The following WBP1L variants were observed in gnomAD, a reference collection of about 807,000 sequenced individuals.
WBP1L encodes WW domain binding protein 1-like.
In WBP1L, 17 loss-of-function variants were observed where a neutral mutation model predicts 33.7. The ratio of observed to expected loss-of-function variants is 0.50; its 90% CI spans 0.34 to 0.76. WBP1L has a LOEUF of 0.76. Ranked by LOEUF, WBP1L falls within the 30% of genes least tolerant of loss-of-function variation. The probability of loss-of-function intolerance (pLI) is 0.01; values close to 1 mark genes in which losing one functional copy is unlikely to be tolerated. For synonymous variants in WBP1L, 173 were observed against 190.8 expected, an observed-to-expected ratio of 0.91 and a Z score of 0.77; for missense variants, 389 against 469.4, an observed-to-expected ratio of 0.83 and a Z score of 1.58.
chr10:102,788,077 GA>G (rs1197997523), intron 1 of WBP1L, among the ~76,000 whole-genome samples: 5 of 136,830 alleles, frequency 3.7e-5, no homozygotes, highest in Admixed American at 7.4e-5. Context: ...CCTGCCTCAG[GA>G]AAAAAAAAAC....
At chr10:102,744,328 G>A in intron 1 of WBP1L, 185 bp downstream of exon 1, 1 of 968,196 alleles carries the variant, frequency 1.0e-6, no homozygotes, top group African/African-American at 1.8e-5. Flanking sequence ...CAGTTTTGGT[G>A]TCAAGGAGGT....
chr10:102,763,207 C>CAAAAAAAAAA (rs36003893), intron 1 of WBP1L, among the ~76,000 whole-genome samples: 1 of 94,040 alleles, frequency 1.1e-5, no homozygotes, highest in Non-Finnish European at 2.0e-5. Flanking sequence ...ACTTTTGTCT[C>CAAAAAAAAAA]AAAAAAAAAA....
At chr10:102,809,847 T>C (rs1238664197) in intron 2 of WBP1L, 46 bp from the exon 3 acceptor site, 2 of 1,573,266 alleles carry the variant, frequency 1.3e-6, no homozygotes, top group Admixed American at 3.6e-5. Flanking sequence ...CCCCTCTGGC[T>C]GGTACTCACT....
intron 1 of WBP1L, among the ~76,000 whole-genome samples, chr10:102,747,724 C>T (rs142963504): frequency 1.4e-4 from 22 of 152,150 alleles, no homozygotes; most frequent in Admixed American, 4.6e-4. Context: ...GATGGGGTTT[C>T]GCCATGTTGC....
At chr10:102,781,869 T>G (rs982173300) in intron 1 of WBP1L, among the ~76,000 whole-genome samples, 39 of 119,454 alleles carry the variant, frequency 3.3e-4, no homozygotes, top group African/African-American at 7.3e-4. Flanking sequence ...TAATTTTTTT[T>G]GGGGGGGGTG....
chr10:102,804,010 T>G (rs1329478952), intron 2 of WBP1L: 1 of 152,112 alleles, frequency 6.6e-6, no homozygotes, highest in African/African-American at 2.4e-5. Flanking sequence ...GCAGGCAAAT[T>G]TGTGAAGCAC....
intron 1 of WBP1L, chr10:102,744,386 T>A: frequency 1.0e-6 from 1 of 984,946 alleles, no homozygotes; most frequent in South Asian, 4.7e-5. Context: ...AGACGGCAGG[T>A]TGGTTAGGTG....
chr10:102,765,483 C>T (rs1843094870), intron 1 of WBP1L, among the ~76,000 whole-genome samples: 2 of 152,180 alleles, frequency 1.3e-5, no homozygotes, highest in African/African-American at 4.8e-5. Flanking sequence ...ATCCACCCTC[C>T]TTGGCCTCCC....
chr10:102,788,184 A>G (rs1167231618), intron 1 of WBP1L, among the ~76,000 whole-genome samples: 1 of 142,870 alleles, frequency 7.0e-6, no homozygotes, highest in Admixed American at 7.0e-5. Flanking sequence ...GCTGGAGTGC[A>G]GTGGTGCGAT....
Position 102,815,480 on chromosome 10 carries a change from C to CT in WBP1L, c.*2150dup, listed in dbSNP as rs1843924934. ...CTGGGTCTTCAATGACAGGCTTGGACTAGCTGTGGCCCAGACATCGGCCCT... is the reference window on the plus strand; with the variant it reads ...CTGGGTCTTCAATGACAGGCTTGGACTTAGCTGTGGCCCAGACATCGGCCCT... On this transcript the variant is annotated 3_prime_UTR_variant, in exon 4 of 4. Coordinates refer to ENST00000448841, the MANE Select transcript of WBP1L (RefSeq NM_001083913.2). 1 of 152,352 alleles carries CT rather than the reference C, an allele frequency of 6.6e-6. No individual in the cohort carries two copies. Among genetic ancestry groups the CT allele is most frequent in the Non-Finnish European group, 1.5e-5 (1 of 68,074 alleles). 9.4% of individuals were successfully genotyped at this position (152,352 alleles called of 1,614,324 possible).
At chr10:102,798,857 CCT>C (rs1370623031) in intron 2 of WBP1L, among the ~76,000 whole-genome samples, 1 of 152,304 alleles carries the variant, frequency 6.6e-6, no homozygotes. Flanking sequence ...TCATGGAGTG[CCT>C]CTGTTTCTGA....
intron 1 of WBP1L, among the ~76,000 whole-genome samples, chr10:102,754,457 G>A (rs943391058): frequency 2.6e-5 from 4 of 152,074 alleles, no homozygotes; most frequent in Admixed American, 6.5e-5. Flanking sequence ...GGAGTGCAGC[G>A]GTGCGATCTC....
At position 102,813,097 on chromosome 10, in the gene WBP1L, C is replaced by T; in HGVS notation, c.858C>T (p.Asp286=). The change falls in exon 4 of 4, where the codon GAC becomes GAT. Residue 286 remains aspartate (D), a synonymous_variant. Transcript: ENST00000448841. ...GCAACCGGGGCCACCATGACGATGACCTCAAAGAGTTCAACACACTCATCG... is the reference window on the plus strand; with the variant it reads ...GCAACCGGGGCCACCATGACGATGATCTCAAAGAGTTCAACACACTCATCG... ...CVCNRGHHDD[D]LKEFNTLIDD... 1 of 1,613,920 alleles carries T rather than the reference C, an allele frequency of 6.2e-7. No individual in the cohort carries two copies. Among genetic ancestry groups the T allele is most frequent in the Non-Finnish European group, 8.5e-7 (1 of 1,180,022 alleles).
At chr10:102,762,469 T>C (rs4919674) in intron 1 of WBP1L, among the ~76,000 whole-genome samples, 109,779 of 152,018 alleles carry the variant, frequency 0.72, 39,919 homozygotes, top group East Asian at 0.9. Context: ...ACAGTACCCT[T>C]AATCCCATGA....
At chr10:102,745,670 T>C (rs1313550596) in intron 1 of WBP1L, among the ~76,000 whole-genome samples, 3 of 152,248 alleles carry the variant, frequency 2.0e-5, no homozygotes, top group Non-Finnish European at 2.9e-5. Flanking sequence ...CATTCTGTTA[T>C]CTGTAAACCA....
intron 1 of WBP1L, among the ~76,000 whole-genome samples, chr10:102,764,195 C>G (rs1434536687): frequency 2.0e-5 from 3 of 152,170 alleles, no homozygotes; most frequent in African/African-American, 7.2e-5. Flanking sequence ...ACTTATGGTG[C>G]CTCTCACTGG....
intron 1 of WBP1L, among the ~76,000 whole-genome samples, chr10:102,782,548 C>A (rs1590180196): frequency 6.6e-6 from 1 of 152,226 alleles, no homozygotes; most frequent in South Asian, 2.1e-4. Context: ...TAGTTTCTTA[C>A]CTCTTCCTCT....
intron 3 of WBP1L, among the ~76,000 whole-genome samples, chr10:102,811,872 G>A (rs1195657209): frequency 2.0e-5 from 3 of 152,190 alleles, no homozygotes; most frequent in Non-Finnish European, 4.4e-5. Flanking sequence ...CATATAGTAA[G>A]TGCTCAATAA....
chr10:102,759,768 G>A (rs1484945027), intron 1 of WBP1L, among the ~76,000 whole-genome samples: 3 of 152,150 alleles, frequency 2.0e-5, no homozygotes, highest in South Asian at 2.1e-4. Context: ...AGGCTCAAGC[G>A]AATCCTCCTG....
Sources: gnomAD v4.1 joint callset for allele counts (sites outside exome capture counted in the v4.1 genomes callset) on GRCh38, gnomAD v4.1.1 for gene constraint, MANE v1.5 for transcripts, NCBI Gene and HGNC (gene_info 2026-07-23, HGNC 2026-07-21) for gene names.